UBE3A: variants seen among roughly 807,000 people sequenced by gnomAD.
UBE3A encodes the protein ubiquitin protein ligase E3A, also known as ubiquitin-protein ligase E3A.
A neutral mutation model predicts 83.4 loss-of-function variants in UBE3A; 6 were observed. The ratio of observed to expected loss-of-function variants is 0.07; its 90% CI spans 0.04 to 0.14. The LOEUF (loss-of-function observed/expected upper bound fraction) is 0.14. Ranked by LOEUF, UBE3A falls within the 10% of genes least tolerant of loss-of-function variation. The pLI is 1.00. For missense variants in UBE3A, 456 were observed against 1,036.1 expected, an observed-to-expected ratio of 0.44 and a Z score of 7.69; for synonymous variants, 337 against 355.4, an observed-to-expected ratio of 0.95 and a Z score of 0.58.
intron 4 of UBE3A, among the ~76,000 whole-genome samples, chr15:25,396,577 C>G (rs544974645): frequency 1.3e-5 from 2 of 152,264 alleles, no homozygotes; most frequent in South Asian, 4.2e-4. Flanking sequence ...GAGCTCTGAT[C>G]ACACCACTGC....
At chr15:25,339,520 C>G (rs1363001413) in intron 12 of UBE3A, 2 of 323,626 alleles carry the variant, frequency 6.2e-6, no homozygotes, top group Non-Finnish European at 1.1e-5. Flanking sequence ...GTACTGAATT[C>G]TTACAGTTCA....
chr15:25,379,572 A>T (rs1159300814), intron 4 of UBE3A, among the ~76,000 whole-genome samples: 2 of 152,196 alleles, frequency 1.3e-5, no homozygotes, highest in Non-Finnish European at 2.9e-5. Context: ...CACTCCAATG[A>T]CACCTTAATT....
intron 4 of UBE3A, among the ~76,000 whole-genome samples, chr15:25,398,797 A>ATATATATATATC: frequency 1.2e-5 from 1 of 83,206 alleles, no homozygotes; most frequent in South Asian, 5.0e-4. Context: ...ATATATATAT[A>ATATATATATATC]TATATATATA....
rs564318122 is a variant in UBE3A, at chr15:25,338,503, C to CCCTT, written c.*630_*633dup. 6.6e-6 allele frequency: 1 copy of CCCTT among 151,690 alleles called. No homozygotes were observed. The highest frequency in any genetic ancestry group is 2.4e-5 in the African/African-American group (1 of 41,298). 9.4% of individuals were successfully genotyped at this position (151,690 alleles called of 1,614,324 possible). A position where few individuals can be genotyped will look rare whatever the true frequency, so the allele number is the denominator to read the frequency against. On this transcript the variant is annotated 3_prime_UTR_variant, in exon 13 of 13. Coordinates refer to ENST00000648336, the MANE Select transcript of UBE3A (RefSeq NM_130839.5). ...CTGCAGTTAAAACATTCCAATTTCT[C>CCCTT]CCTTCCTTCCATCTTTCTTTATTGA...
intron 6 of UBE3A, among the ~76,000 whole-genome samples, chr15:25,367,472 A>AT (rs1566943873): frequency 2.0e-5 from 3 of 152,046 alleles, no homozygotes; most frequent in Non-Finnish European, 4.4e-5. Context: ...AATACTGAAA[A>AT]TAAGTCCTAG....
chr15:25,419,952 C>T (rs1366984958), intron 1 of UBE3A, among the ~76,000 whole-genome samples: 3 of 151,420 alleles, frequency 2.0e-5, no homozygotes, highest in African/African-American at 7.3e-5. Context: ...CTCCATTAAC[C>T]GAAAAGAAGG....
intron 6 of UBE3A, among the ~76,000 whole-genome samples, chr15:25,361,704 A>G (rs2078141258): frequency 6.6e-6 from 1 of 152,174 alleles, no homozygotes; most frequent in Admixed American, 6.5e-5. Context: ...AGTATCCATC[A>G]TATCTCCTAA....
intron 6 of UBE3A, among the ~76,000 whole-genome samples, chr15:25,362,434 T>G (rs2078267811): frequency 6.6e-6 from 1 of 152,204 alleles, no homozygotes; most frequent in African/African-American, 2.4e-5. Context: ...ACCTTTAAAC[T>G]TTAGCACGCG....
At chr15:25,339,325 G>C in intron 12 of UBE3A, 68 bp from the exon 13 acceptor site, 2 of 1,573,002 alleles carry the variant, frequency 1.3e-6, no homozygotes, top group Admixed American at 1.7e-5. Context: ...AGAATTAAAT[G>C]CTCCTATTTT....
At chr15:25,419,887 G>GA (rs1009965281) in intron 1 of UBE3A, among the ~76,000 whole-genome samples, 247 of 150,736 alleles carry the variant, frequency 1.6e-3, no homozygotes, top group Non-Finnish European at 3.1e-3. Flanking sequence ...TCACTGGGGG[G>GA]AAAAAAAACA....
Position 25,431,819 on chromosome 15 carries a change from T to A in UBE3A, c.-165+6670A>T, listed in dbSNP as rs562174752. ...CAATTCCCAAAACAAAAACTTAAAA[T>A]ATTTAGCAAAGATAATATAAAAATC... On this transcript the variant is annotated intron_variant, in intron 1 of 12. Transcript: ENST00000648336. Among the ~76,000 whole-genome samples the A allele has an allele frequency of 3.3e-5, 5 of 152,304 alleles. No homozygotes were observed. In the South Asian group the frequency reaches 1.0e-3, roughly 32 times the overall value.
chr15:25,405,351 A>C, intron 4 of UBE3A, 110 bp downstream of exon 4: 3 of 1,308,870 alleles, frequency 2.3e-6, no homozygotes, highest in South Asian at 1.2e-5. Flanking sequence ...TTTACTGCTA[A>C]ATGATTCCTT....
intron 4 of UBE3A, among the ~76,000 whole-genome samples, chr15:25,387,247 C>T (rs1051441965): frequency 1.3e-5 from 2 of 152,184 alleles, no homozygotes; most frequent in African/African-American, 2.4e-5. Flanking sequence ...CTAGGCCGGG[C>T]GCTGTGGCTC....
chr15:25,392,220 G>A (rs1186294884), intron 4 of UBE3A, among the ~76,000 whole-genome samples: 1 of 152,186 alleles, frequency 6.6e-6, no homozygotes, highest in African/African-American at 2.4e-5. Flanking sequence ...TGGAAATGAA[G>A]AATCTGCTCT....
rs568477533 is a variant in UBE3A, at chr15:25,404,639, CCTTT to C, written c.62+818_62+821del. 6.7e-3 allele frequency among the ~76,000 whole-genome samples: 1,015 copies of C among 152,254 alleles called. 13 individuals are homozygous for C. The highest frequency in any genetic ancestry group is 0.022 in the African/African-American group (920 of 41,540). On this transcript the variant is annotated intron_variant, in intron 4 of 12. Coordinates refer to ENST00000648336, the MANE Select transcript of UBE3A (RefSeq NM_130839.5). ...TTACCACCACACGTTTCTCTTCAAT[CCTTT>C]CTCTCTTGCAAGGTTATTAAAAATA...
intron 10 of UBE3A, 51 bp from the exon 11 acceptor site, chr15:25,354,477 T>C (rs1349754929): frequency 6.8e-6 from 11 of 1,613,370 alleles, no homozygotes; most frequent in Non-Finnish European, 8.5e-6. Flanking sequence ...TACTGTATCA[T>C]TACAAACAAT....
intron 6 of UBE3A, among the ~76,000 whole-genome samples, chr15:25,361,981 AT>A (rs1209786607): frequency 6.6e-6 from 1 of 152,216 alleles, no homozygotes; most frequent in African/African-American, 2.4e-5. Flanking sequence ...GCCCGAGAGC[AT>A]TGTTTTTTCA....
At chr15:25,385,961 G>C (rs1289575039) in intron 4 of UBE3A, among the ~76,000 whole-genome samples, 1 of 152,160 alleles carries the variant, frequency 6.6e-6, no homozygotes, top group Non-Finnish European at 1.5e-5. Context: ...GGGAGGCAAA[G>C]AGAAATGATT....
rs143351421 is a variant in UBE3A, at chr15:25,374,890, C to T, written c.361+575G>A. The T allele has an allele frequency of 1.8e-3, 269 of 153,350 alleles. 1 individual carries two copies. The highest frequency in any genetic ancestry group is 4.7e-3 in the Admixed American group (72 of 15,412). 9.5% of individuals were successfully genotyped at this position (153,350 alleles called of 1,614,324 possible). The stretch of plus-strand genomic sequence containing the variant: ...AGGTAATCGAATTCTGAATTTTGGA[C>T]GTAGGACCATTTAGAAAACAAAAGA... On this transcript the variant is annotated intron_variant, in intron 5 of 12. Transcript: ENST00000648336.
Sources: allele counts gnomAD v4.1 joint callset (sites outside exome capture counted in the v4.1 genomes callset), GRCh38; gene constraint gnomAD v4.1.1; transcripts MANE v1.5; gene names NCBI Gene and HGNC (gene_info 2026-07-23, HGNC 2026-07-21).